SIPA1L3: variants seen among roughly 807,000 people sequenced by gnomAD.
SIPA1L3 encodes the protein signal induced proliferation associated 1 like 3.
In SIPA1L3, 59 loss-of-function variants were observed where a neutral mutation model predicts 150.1. The observed-to-expected ratio is 0.39, with a 90% CI of 0.32 to 0.49. The LOEUF (loss-of-function observed/expected upper bound fraction) is 0.49, where lower values mean the gene tolerates loss of function less well. Among genes scored for constraint, SIPA1L3 ranks in the 20% least tolerant of loss-of-function variants. The probability of loss-of-function intolerance (pLI) is 0.86; values close to 1 mark genes in which losing one functional copy is unlikely to be tolerated. For missense variants in SIPA1L3, 2,211 were observed against 2,489.5 expected (o/e 0.89, Z 2.38); for synonymous variants, 1,070 against 1,077.6 (o/e 0.99, Z 0.14).
In SIPA1L3 at chr19:38,038,901, G is replaced by A. The variant is rs558791379; in HGVS notation, c.-311+9745G>A. 9.2e-5 allele frequency among the ~76,000 whole-genome samples: 14 copies of A among 151,882 alleles called. No individual in the cohort carries two copies. The South Asian group carries it at 2.5e-3, about 27-fold the overall frequency. ...TTTTTAATTTTAATTTTTATTTTTTGGAGACACAGTCTCACTTTGTCGCCC... is the reference window on the plus strand; with the variant it reads ...TTTTTAATTTTAATTTTTATTTTTTAGAGACACAGTCTCACTTTGTCGCCC... On this transcript the variant is annotated intron_variant, in intron 2 of 21. Coordinates refer to ENST00000222345, the MANE Select transcript of SIPA1L3 (RefSeq NM_015073.3).
At chr19:38,073,069 C>G (rs763052685) in intron 2 of SIPA1L3, among the ~76,000 whole-genome samples, 1 of 152,182 alleles carries the variant, frequency 6.6e-6, no homozygotes, top group Admixed American at 6.5e-5. Flanking sequence ...CCGGAGTGGC[C>G]GTGTATCCAC....
intron 4 of SIPA1L3, among the ~76,000 whole-genome samples, chr19:38,094,753 C>T (rs147271734): frequency 0.013 from 1,954 of 152,100 alleles, 36 homozygotes; most frequent in African/African-American, 0.045. Flanking sequence ...GACAACGTAG[C>T]GAGACCCCAT....
chr19:38,161,624 G>C (rs1972090461), intron 13 of SIPA1L3, among the ~76,000 whole-genome samples: 1 of 152,080 alleles, frequency 6.6e-6, no homozygotes, highest in South Asian at 2.1e-4. Context: ...TGCTTGAGAG[G>C]CTGAGACAGG....
chr19:38,182,955 A>G, intron 16 of SIPA1L3: 2 of 534,244 alleles, frequency 3.7e-6, no homozygotes, highest in Non-Finnish European at 6.6e-6. Context: ...AAGTAGAATA[A>G]GAGAAGCACG....
At chr19:37,990,739 G>T (rs1371094106) in intron 1 of SIPA1L3, among the ~76,000 whole-genome samples, 1 of 152,190 alleles carries the variant, frequency 6.6e-6, no homozygotes, top group Non-Finnish European at 1.5e-5. Context: ...AGACATCTCT[G>T]TCCACTCAAG....
intron 1 of SIPA1L3, among the ~76,000 whole-genome samples, chr19:38,010,640 G>C (rs1391222741): frequency 2.6e-5 from 4 of 152,170 alleles, no homozygotes; most frequent in African/African-American, 7.2e-5. Context: ...GAACCCAGGA[G>C]GTGGAGGTTG....
At chr19:37,967,197 T>C (rs7245962) in intron 1 of SIPA1L3, among the ~76,000 whole-genome samples, 45,595 of 151,560 alleles carry the variant, frequency 0.3, 7,369 homozygotes, top group Non-Finnish European at 0.36. Flanking sequence ...CCCTGATCTC[T>C]GCCCTCATCT....
intron 9 of SIPA1L3, among the ~76,000 whole-genome samples, chr19:38,121,706 T>G (rs1056715856): frequency 6.6e-6 from 1 of 151,884 alleles, no homozygotes; most frequent in African/African-American, 2.4e-5. Flanking sequence ...GCCACTGCAC[T>G]CCAGCTTGGG....
chr19:38,195,454 G>A (rs1034449205), intron 18 of SIPA1L3, among the ~76,000 whole-genome samples: 1 of 152,148 alleles, frequency 6.6e-6, no homozygotes, highest in Admixed American at 6.5e-5. Flanking sequence ...AGCAAGCAGA[G>A]CACACCCCTG....
intron 13 of SIPA1L3, among the ~76,000 whole-genome samples, chr19:38,155,297 A>G (rs1971918733): frequency 6.6e-6 from 1 of 151,880 alleles, no homozygotes; most frequent in African/African-American, 2.4e-5. Context: ...GCTGGTCTCA[A>G]ACTCCTGGGC....
intron 1 of SIPA1L3, among the ~76,000 whole-genome samples, chr19:38,004,460 T>C (rs1967887477): frequency 6.6e-6 from 1 of 152,218 alleles, no homozygotes; most frequent in African/African-American, 2.4e-5. Context: ...TCCAGGAGCC[T>C]GGGGCTATTG....
Position 38,130,627 on chromosome 19 carries a change from G to A in SIPA1L3, c.2998G>A (p.Gly1000Ser). Reference sequence around the variant, plus strand: ...GGACTATGGGTTCGCCTGGCAGGCCGGCCTCCGGCAGGGCAGCCGACTAGT... The same window carrying A: ...GGACTATGGGTTCGCCTGGCAGGCCAGCCTCCGGCAGGGCAGCCGACTAGT... ...VEDYGFAWQA[G>S]LRQGSRLVEI... The change falls in exon 10 of 22, where the codon GGC becomes AGC. Residue 1000 changes from glycine to serine, a missense_variant. Physicochemically the swap from Gly to Ser is moderately conservative, Grantham distance 56 (BLOSUM62 0). Coordinates refer to ENST00000222345, the MANE Select transcript of SIPA1L3 (RefSeq NM_015073.3). The A allele has an allele frequency of 6.2e-7, 1 of 1,613,744 alleles. No homozygotes were observed. The highest frequency in any genetic ancestry group is 8.5e-7 in the Non-Finnish European group (1 of 1,180,042).
At chr19:38,068,167 C>T (rs1380487662) in intron 2 of SIPA1L3, among the ~76,000 whole-genome samples, 1 of 151,960 alleles carries the variant, frequency 6.6e-6, no homozygotes, top group Non-Finnish European at 1.5e-5. Context: ...GGACTACAGG[C>T]GACCGCCACC....
At chr19:38,078,384 C>T (rs908452195) in intron 2 of SIPA1L3, among the ~76,000 whole-genome samples, 1 of 151,952 alleles carries the variant, frequency 6.6e-6, no homozygotes, top group Non-Finnish European at 1.5e-5. Context: ...TCTGCCAGTG[C>T]GCTCCATAAC....
At chr19:37,968,395 T>G (rs1289382654) in intron 1 of SIPA1L3, among the ~76,000 whole-genome samples, 1 of 152,190 alleles carries the variant, frequency 6.6e-6, no homozygotes, top group Non-Finnish European at 1.5e-5. Flanking sequence ...AATGGGACAA[T>G]TGCAGTCCTA....
intron 10 of SIPA1L3, among the ~76,000 whole-genome samples, chr19:38,135,339 G>T (rs10460171): frequency 7.2e-5 from 11 of 151,826 alleles, no homozygotes; most frequent in Admixed American, 5.9e-4. Flanking sequence ...GGGTGTCTCC[G>T]GTTCCCAGCC....
At chr19:37,937,985 T>C (rs2046617004) in intron 1 of SIPA1L3, among the ~76,000 whole-genome samples, 1 of 151,916 alleles carries the variant, frequency 6.6e-6, no homozygotes, top group African/African-American at 2.4e-5. Context: ...AGGCGGAGGT[T>C]GCAGTGAGCT....
chr19:37,977,145 A>G (rs1429612724), intron 1 of SIPA1L3, among the ~76,000 whole-genome samples: 2 of 151,796 alleles, frequency 1.3e-5, no homozygotes, highest in Non-Finnish European at 2.9e-5. Context: ...CTAGCCTACC[A>G]TTATTATTTT....
chr19:37,968,348 A>G (rs377706732), intron 1 of SIPA1L3, among the ~76,000 whole-genome samples: 6 of 152,138 alleles, frequency 3.9e-5, no homozygotes, highest in African/African-American at 1.4e-4. Flanking sequence ...CTGGGATTAC[A>G]GGCATGAGCC....
Sources: allele counts gnomAD v4.1 joint callset (sites outside exome capture counted in the v4.1 genomes callset), GRCh38; gene constraint gnomAD v4.1.1; transcripts MANE v1.5; gene names NCBI Gene and HGNC (gene_info 2026-07-23, HGNC 2026-07-21).